The following GRXCR1 variants were observed in gnomAD, a reference collection of about 807,000 sequenced individuals.
GRXCR1 encodes the protein glutaredoxin domain-containing cysteine-rich protein 1.
Under a neutral mutation model 27.3 loss-of-function variants are expected in GRXCR1, and 27 were observed. The ratio of observed to expected loss-of-function variants is 0.99; its 90% CI spans 0.73 to 1.37. The LOEUF is 1.37. Ranked by LOEUF, GRXCR1 falls within the 40% of genes most tolerant of loss-of-function variation. The pLI is 0.00. For missense variants in GRXCR1, 379 were observed against 354.4 expected (o/e 1.07, Z -0.56); for synonymous variants, 122 against 131.1 (o/e 0.93, Z 0.47).
At chr4:42,978,007 A>G (rs1487581764) in intron 2 of GRXCR1, among the ~76,000 whole-genome samples, 1 of 152,058 alleles carries the variant, frequency 6.6e-6, no homozygotes, top group East Asian at 1.9e-4. Context: ...GTTTAATTTT[A>G]TTCAACATTT....
chr4:42,917,035 G>C (rs762030213), intron 1 of GRXCR1, among the ~76,000 whole-genome samples: 24 of 152,068 alleles, frequency 1.6e-4, no homozygotes, highest in Non-Finnish European at 3.4e-4. Context: ...TAGGGTCAAA[G>C]GCAATTTGAG....
chr4:43,008,343 C>G (rs1329675950), intron 2 of GRXCR1, among the ~76,000 whole-genome samples: 1 of 152,124 alleles, frequency 6.6e-6, no homozygotes. Context: ...TTTTAACAAA[C>G]AACCTGTAAT....
intron 1 of GRXCR1, among the ~76,000 whole-genome samples, chr4:42,897,100 T>C (rs1746362325): frequency 6.6e-6 from 1 of 152,162 alleles, no homozygotes; most frequent in Non-Finnish European, 1.5e-5. Flanking sequence ...AAATTAGCCA[T>C]TGTTTCTTCA....
intron 1 of GRXCR1, among the ~76,000 whole-genome samples, chr4:42,898,495 C>G (rs1185411344): frequency 6.6e-6 from 1 of 152,002 alleles, no homozygotes; most frequent in Non-Finnish European, 1.5e-5. Flanking sequence ...TTATGCATCT[C>G]TGGTTCACTG....
At chr4:42,971,572 A>G (rs1216831843) in intron 2 of GRXCR1, among the ~76,000 whole-genome samples, 2 of 152,074 alleles carry the variant, frequency 1.3e-5, no homozygotes, top group African/African-American at 4.8e-5. Context: ...TGAGTGAGTG[A>G]AGGGAAAAGT....
At chr4:42,933,727 C>T (rs1054128876) in intron 1 of GRXCR1, among the ~76,000 whole-genome samples, 13 of 151,886 alleles carry the variant, frequency 8.6e-5, no homozygotes, top group African/African-American at 2.9e-4. Context: ...AGAGAAGATG[C>T]CACCTCTGAA....
chr4:42,985,204 C>T lies in GRXCR1; in HGVS notation c.627+22070C>T, dbSNP rs536943359. On this transcript the variant is annotated intron_variant, in intron 2 of 3. Coordinates refer to ENST00000399770, the MANE Select transcript of GRXCR1 (RefSeq NM_001080476.3). ...GATATTTCTGTGAGGCGGCAATCAC[C>T]GGAAAGTCCTCTTCTGCCATGTTGC... Among the ~76,000 whole-genome samples the T allele has an allele frequency of 1.9e-3, 290 of 152,224 alleles. 1 individual carries two copies. Among genetic ancestry groups the T allele is most frequent in the African/African-American group, 6.5e-3 (268 of 41,528 alleles).
chr4:42,972,756 T>C (rs1332434491), intron 2 of GRXCR1, among the ~76,000 whole-genome samples: 1 of 152,156 alleles, frequency 6.6e-6, no homozygotes, highest in East Asian at 1.9e-4. Flanking sequence ...TCACAATGGG[T>C]GTAGCCATGA....
chr4:42,927,136 C>T (rs551779707), intron 1 of GRXCR1, among the ~76,000 whole-genome samples: 1 of 152,088 alleles, frequency 6.6e-6, no homozygotes, highest in East Asian at 1.9e-4. Context: ...TCTCAACCAT[C>T]CCACAGGATT....
intron 3 of GRXCR1, among the ~76,000 whole-genome samples, chr4:43,024,072 A>G (rs904671326): frequency 2.6e-5 from 4 of 152,110 alleles, no homozygotes; most frequent in African/African-American, 9.7e-5. Context: ...CAGACACTGA[A>G]TTAAAGATCT....
At chr4:43,018,391 G>A (rs979768469) in intron 2 of GRXCR1, among the ~76,000 whole-genome samples, 1 of 152,186 alleles carries the variant, frequency 6.6e-6, no homozygotes, top group Non-Finnish European at 1.5e-5. Context: ...ACACCCAGGT[G>A]TCTTGAAAAT....
intron 2 of GRXCR1, among the ~76,000 whole-genome samples, chr4:42,967,807 G>A (rs372492841): frequency 1.3e-5 from 2 of 151,952 alleles, no homozygotes; most frequent in African/African-American, 2.4e-5. Context: ...GTTTCTTAAG[G>A]TTTTCTAGTC....
intron 3 of GRXCR1, among the ~76,000 whole-genome samples, chr4:43,027,130 A>G (rs541784854): frequency 1.3e-5 from 2 of 152,338 alleles, no homozygotes; most frequent in East Asian, 3.9e-4. Flanking sequence ...AAATCATTTC[A>G]ATAGGAATTT....
At chr4:42,910,671 CA>C (rs1390809199) in intron 1 of GRXCR1, among the ~76,000 whole-genome samples, 6 of 152,138 alleles carry the variant, frequency 3.9e-5, no homozygotes, top group Non-Finnish European at 7.4e-5. Flanking sequence ...TGAGATGGAA[CA>C]AAAGATGCAG....
At chr4:42,932,661 GA>G (rs1560654452) in intron 1 of GRXCR1, among the ~76,000 whole-genome samples, 37 of 120,344 alleles carry the variant, frequency 3.1e-4, no homozygotes, top group African/African-American at 1.1e-3. Flanking sequence ...GAGAGAGAGA[GA>G]GAGGCAATCT....
chr4:43,027,643 T>C (rs982671526), intron 3 of GRXCR1, among the ~76,000 whole-genome samples: 3 of 152,220 alleles, frequency 2.0e-5, no homozygotes, highest in Non-Finnish European at 2.9e-5. Context: ...AGCTTTGTTG[T>C]TCTTTGCTTG....
chr4:42,911,503 C>T (rs552963293), intron 1 of GRXCR1, among the ~76,000 whole-genome samples: 1 of 151,878 alleles, frequency 6.6e-6, no homozygotes, highest in Non-Finnish European at 1.5e-5. Flanking sequence ...TATGGGTGAA[C>T]AGGAAAATAA....
At chr4:42,972,318 T>A (rs547908542) in intron 2 of GRXCR1, among the ~76,000 whole-genome samples, 24 of 152,328 alleles carry the variant, frequency 1.6e-4, no homozygotes, top group Non-Finnish European at 1.3e-4. Flanking sequence ...GAAAGTCTCA[T>A]GAACATTCAA....
intron 2 of GRXCR1, among the ~76,000 whole-genome samples, chr4:43,013,786 G>A (rs1210253842): frequency 1.3e-5 from 2 of 152,144 alleles, no homozygotes; most frequent in South Asian, 2.1e-4. Flanking sequence ...TTCTAGCCTA[G>A]TGACTTGATA....
Sources: allele counts gnomAD v4.1 joint callset (sites outside exome capture counted in the v4.1 genomes callset), GRCh38; gene constraint gnomAD v4.1.1; transcripts MANE v1.5; gene names NCBI Gene and HGNC (gene_info 2026-07-23, HGNC 2026-07-21).